The following PDCD4 variants were observed in gnomAD, a reference collection of about 807,000 sequenced individuals.
PDCD4 encodes the protein programmed cell death 4.
PDCD4 carries 56 observed loss-of-function variants against 54.0 expected under a neutral mutation model. That is an observed-to-expected ratio of 1.04 (90% CI 0.84 to 1.30). PDCD4 has a LOEUF of 1.30. PDCD4 is among the 50% of genes most tolerant of loss of function. PDCD4 has a pLI of 0.00. For synonymous variants in PDCD4, 186 were observed against 194.8 expected (o/e 0.95, Z 0.37); for missense variants, 584 against 559.8 (o/e 1.04, Z -0.44).
intron 2 of PDCD4, chr10:110,876,871 G>A: frequency 2.6e-6 from 1 of 390,994 alleles, no homozygotes; most frequent in Non-Finnish European, 4.7e-6. Flanking sequence ...GTATACTTTG[G>A]ATAATTCTTT....
At chr10:110,877,764 A>G (rs1470138492) in intron 2 of PDCD4, among the ~76,000 whole-genome samples, 1 of 152,214 alleles carries the variant, frequency 6.6e-6, no homozygotes, top group African/African-American at 2.4e-5. Flanking sequence ...CACATAGCAA[A>G]TAGTCCAAGT....
chr10:110,896,067 CAG>C lies in PDCD4; in HGVS notation c.1333_1334del (p.Asp445SerfsTer20). 2 of 1,609,162 alleles carry C rather than the reference CAG, an allele frequency of 1.2e-6. No homozygotes were observed. The highest frequency in any genetic ancestry group is 1.7e-6 in the Non-Finnish European group (2 of 1,177,370). On this transcript the variant is annotated frameshift_variant, in exon 11 of 12. Coordinates refer to ENST00000280154, the MANE Select transcript of PDCD4 (RefSeq NM_014456.5). LOFTEE classifies it high-confidence loss of function. ...AGGCTGGAATAATTTCCAAACAACT[CAG>C]AGATCTTTGTCCTTCAAGGTACTTT... is the stretch of plus-strand genomic sequence containing the variant. ...FQAGIISKQL[R>X]DLCPSRGRKR...
chr10:110,892,137 A>T (rs56233990), intron 8 of PDCD4, among the ~76,000 whole-genome samples: 15,786 of 152,252 alleles, frequency 0.1, 1,277 homozygotes, highest in East Asian at 0.24. Context: ...ATACTTAGGA[A>T]TAAATTTAAC....
At chr10:110,887,029 G>C (rs1051746437) in intron 5 of PDCD4, among the ~76,000 whole-genome samples, 1 of 152,100 alleles carries the variant, frequency 6.6e-6, no homozygotes, top group Admixed American at 6.5e-5. Context: ...AGTAATAATA[G>C]ATTGTAAGGC....
chr10:110,872,493 C>G (rs376788286), intron 1 of PDCD4, among the ~76,000 whole-genome samples: 188 of 152,300 alleles, frequency 1.2e-3, no homozygotes, highest in African/African-American at 4.2e-3. Context: ...GAAGATGCGG[C>G]CCCCTGTCCT....
In PDCD4 at chr10:110,894,433, T is replaced by A; in HGVS notation, c.1120T>A (p.Ser374Thr). ...TTAGGCTATTATAATGGTTTTAGAG[T>A]CAACTGGAGAAAGTACATTTAAGAT... ...VYEAIIMVLE[S>T]TGESTFKMIL... Residue 374 changes from serine (S) to threonine (T), a missense_variant, in exon 10 of 12, where the codon TCA becomes ACA. Transcript: ENST00000280154. 6.4e-7 allele frequency: 1 copy of A among 1,562,908 alleles called. No individual in the cohort carries two copies. The highest frequency in any genetic ancestry group is 8.8e-7 in the Non-Finnish European group (1 of 1,135,278).
At chr10:110,885,464 A>G in intron 5 of PDCD4, 98 bp downstream of exon 5, 1 of 540,010 alleles carries the variant, frequency 1.9e-6, no homozygotes, top group Non-Finnish European at 3.3e-6. Flanking sequence ...CACTGAATAA[A>G]TTTAATCATT....
intron 2 of PDCD4, among the ~76,000 whole-genome samples, chr10:110,879,594 A>G (rs143159126): frequency 6.6e-6 from 1 of 151,452 alleles, no homozygotes; most frequent in African/African-American, 2.4e-5. Context: ...CAGAGCTTGC[A>G]GTGAGCTGAG....
At chr10:110,893,388 G>T (rs1167773531) in intron 8 of PDCD4, among the ~76,000 whole-genome samples, 4 of 148,774 alleles carry the variant, frequency 2.7e-5, no homozygotes, top group African/African-American at 9.9e-5. Context: ...CAACATTCAG[G>T]CAACTAGATA....
intron 4 of PDCD4, 123 bp downstream of exon 4, chr10:110,883,220 G>A: frequency 1.6e-6 from 1 of 636,328 alleles, no homozygotes; most frequent in Non-Finnish European, 2.7e-6. Flanking sequence ...AGGAAACCAA[G>A]TAAACTGACA....
chr10:110,896,651 C>T (rs761946777), intron 11 of PDCD4, among the ~76,000 whole-genome samples: 1 of 151,952 alleles, frequency 6.6e-6, no homozygotes, highest in African/African-American at 2.4e-5. Flanking sequence ...ATTTTTGCTA[C>T]TAGTTGGTAA....
chr10:110,887,955 A>T, intron 6 of PDCD4, 69 bp downstream of exon 6: 2 of 1,025,992 alleles, frequency 1.9e-6, no homozygotes, highest in Non-Finnish European at 1.5e-6. Context: ...AATAATGTAT[A>T]CTCCTAGGAA....
chr10:110,890,724 A>G (rs761904678), intron 8 of PDCD4, 54 bp downstream of exon 8: 27 of 1,135,796 alleles, frequency 2.4e-5, no homozygotes, highest in Non-Finnish European at 3.4e-5. Context: ...TCTGAGTGAA[A>G]TAAATTGTGG....
intron 6 of PDCD4, 41 bp from the exon 7 acceptor site, chr10:110,889,492 T>C (rs1470125478): frequency 2.7e-6 from 3 of 1,130,994 alleles, no homozygotes; most frequent in Admixed American, 1.9e-5. Flanking sequence ...ATAAAAGTTA[T>C]TTAACTTTTT....
intron 2 of PDCD4, among the ~76,000 whole-genome samples, chr10:110,876,945 ATAC>A (rs1254586340): frequency 6.6e-6 from 1 of 152,172 alleles, no homozygotes; most frequent in South Asian, 2.1e-4. Context: ...TCGTAACTAA[ATAC>A]TACATCTTTC....
At chr10:110,876,313 A>ATGCT (rs1564679447) in intron 2 of PDCD4, among the ~76,000 whole-genome samples, 1 of 152,196 alleles carries the variant, frequency 6.6e-6, no homozygotes, top group Non-Finnish European at 1.5e-5. Context: ...AGGCTGAAAT[A>ATGCT]TCTTGAAGCT....
intron 2 of PDCD4, among the ~76,000 whole-genome samples, chr10:110,878,172 A>G (rs1428828277): frequency 6.6e-6 from 1 of 152,224 alleles, no homozygotes; most frequent in Admixed American, 6.5e-5. Context: ...AATAGGGGTT[A>G]TGGAACTCCA....
At chr10:110,873,340 C>CT (rs1845451186) in intron 1 of PDCD4, among the ~76,000 whole-genome samples, 1 of 152,114 alleles carries the variant, frequency 6.6e-6, no homozygotes, top group Non-Finnish European at 1.5e-5. Flanking sequence ...CGTTCGTAGC[C>CT]GAAGAATGAA....
intron 2 of PDCD4, chr10:110,876,523 C>T (rs1845508197): frequency 2.7e-5 from 10 of 376,180 alleles, no homozygotes. Context: ...CCACATATTC[C>T]TATTCTCTGT....
Sources: gnomAD v4.1 joint callset for allele counts (sites outside exome capture counted in the v4.1 genomes callset) on GRCh38, gnomAD v4.1.1 for gene constraint, MANE v1.5 for transcripts, NCBI Gene and HGNC (gene_info 2026-07-23, HGNC 2026-07-21) for gene names.